The following SUSD4 variants were observed in gnomAD, a reference collection of about 807,000 sequenced individuals.
SUSD4 encodes sushi domain containing 4.
Under a neutral mutation model 50.5 loss-of-function variants are expected in SUSD4, and 41 were observed. The observed-to-expected ratio is 0.81, with a 90% confidence interval of 0.63 to 1.05. SUSD4 has a LOEUF of 1.05. Among genes scored for constraint, SUSD4 ranks in the 50% least tolerant of loss-of-function variants. The probability of loss-of-function intolerance (pLI) is 0.00; values close to 1 mark genes in which losing one functional copy is unlikely to be tolerated. For synonymous variants in SUSD4, 257 were observed against 257.3 expected (o/e 1.00, Z 0.01); for missense variants, 580 against 634.7 (o/e 0.91, Z 0.93).
chr1:223,307,485 A>C (rs890442566), intron 2 of SUSD4, among the ~76,000 whole-genome samples: 4 of 152,192 alleles, frequency 2.6e-5, no homozygotes, highest in African/African-American at 9.7e-5. Context: ...AACAACTTTC[A>C]AACACTCTTT....
At chr1:223,310,430 T>G (rs1005900680) in intron 2 of SUSD4, among the ~76,000 whole-genome samples, 1 of 152,288 alleles carries the variant, frequency 6.6e-6, no homozygotes, top group East Asian at 1.9e-4. Flanking sequence ...TCAGAAACCA[T>G]TGAAACTATG....
intron 6 of SUSD4, among the ~76,000 whole-genome samples, chr1:223,228,888 T>C (rs1353703555): frequency 6.6e-6 from 1 of 151,496 alleles, no homozygotes; most frequent in Non-Finnish European, 1.5e-5. Context: ...GTTTAGATGG[T>C]CAGCTTTTTA....
At position 223,264,720 on chromosome 1, in the gene SUSD4, G is replaced by T. The variant is rs768128581; in HGVS notation, c.634C>A (p.Pro212Thr). 1 of 1,614,222 alleles carries T rather than the reference G, an allele frequency of 6.2e-7. No individual in the cohort carries two copies. Among genetic ancestry groups the T allele is most frequent in the East Asian group, 2.2e-5 (1 of 44,880 alleles). The change falls in exon 5 of 9, where the codon CCC (proline) becomes ACC (threonine). Residue 212 changes from proline to threonine, a missense_variant. Pro to Thr is a conservative substitution (Grantham distance 38). Coordinates refer to ENST00000366878, the MANE Select transcript of SUSD4 (RefSeq NM_017982.4). Reference sequence around the variant, plus strand: ...GCAGACCCATCAAGTTTAAATCCGGGAAAGCAGCGATAGGAGATCACAGTC... The same window carrying T: ...GCAGACCCATCAAGTTTAAATCCGGTAAAGCAGCGATAGGAGATCACAGTC... The part of the protein sequence containing the change: ...VGTVISYRCF[P>T]GFKLDGSAYL...
At chr1:223,338,667 G>C (rs1050769223) in intron 2 of SUSD4, among the ~76,000 whole-genome samples, 3 of 152,232 alleles carry the variant, frequency 2.0e-5, no homozygotes, top group African/African-American at 4.8e-5. Flanking sequence ...ATGGGGAGAA[G>C]GGGTGATGCA....
At chr1:223,356,834 G>A (rs561049337) in intron 2 of SUSD4, among the ~76,000 whole-genome samples, 6 of 152,292 alleles carry the variant, frequency 3.9e-5, no homozygotes, top group South Asian at 2.1e-4. Flanking sequence ...AAAAGAGAGA[G>A]AGAAATACTC....
chr1:223,278,074 A>T (rs1663407071), intron 3 of SUSD4, among the ~76,000 whole-genome samples: 1 of 152,100 alleles, frequency 6.6e-6, no homozygotes, highest in Non-Finnish European at 1.5e-5. Context: ...ATACTTTAAG[A>T]ACCAGTCCCG....
At chr1:223,249,462 T>C (rs559088764) in intron 5 of SUSD4, among the ~76,000 whole-genome samples, 3 of 152,336 alleles carry the variant, frequency 2.0e-5, no homozygotes, top group Admixed American at 2.0e-4. Flanking sequence ...GAGCCTCCAG[T>C]CTTCCTCCCA....
intron 5 of SUSD4, chr1:223,264,355 A>C (rs1359625288): frequency 8.7e-7 from 1 of 1,151,372 alleles, no homozygotes; most frequent in African/African-American, 1.6e-5. Flanking sequence ...CATTTCATTT[A>C]ACTTTGCAAT....
At chr1:223,315,460 A>G (rs1666127139) in intron 2 of SUSD4, among the ~76,000 whole-genome samples, 3 of 152,198 alleles carry the variant, frequency 2.0e-5, no homozygotes, top group Non-Finnish European at 2.9e-5. Context: ...AATGGCTCCA[A>G]CTGGACCCGC....
intron 2 of SUSD4, among the ~76,000 whole-genome samples, chr1:223,350,350 T>C (rs1171330934): frequency 6.6e-6 from 1 of 151,790 alleles, no homozygotes; most frequent in Non-Finnish European, 1.5e-5. Flanking sequence ...AATGTAAGAG[T>C]GGATGAAGAT....
At chr1:223,296,417 A>C (rs1247467973) in intron 2 of SUSD4, among the ~76,000 whole-genome samples, 3 of 152,126 alleles carry the variant, frequency 2.0e-5, no homozygotes, top group African/African-American at 7.2e-5. Flanking sequence ...GAGTGTGGTG[A>C]ATCTGAATTC....
intron 2 of SUSD4, among the ~76,000 whole-genome samples, chr1:223,316,098 A>T (rs140344887): frequency 9.2e-4 from 140 of 152,292 alleles, no homozygotes; most frequent in African/African-American, 2.8e-3. Flanking sequence ...AAGGGCACCA[A>T]GGTGATCAAG....
At chr1:223,232,728 C>T (rs918770651) in intron 5 of SUSD4, among the ~76,000 whole-genome samples, 1 of 152,192 alleles carries the variant, frequency 6.6e-6, no homozygotes, top group Non-Finnish European at 1.5e-5. Context: ...CAAAGGCAGG[C>T]AGCACGGAGT....
chr1:223,227,656 C>G lies in SUSD4; in HGVS notation c.999G>C (p.Val333=). ...VAFTATSVLL[V]LLLVILARMF... is the part of the protein sequence containing the mutation. The stretch of plus-strand genomic sequence containing the variant: ...TCCTGGCCAGGATGACGAGCAGCAG[C>G]ACCAGCAGCACACTGGTTGCCGTGA... Residue 333 remains valine (V), a synonymous_variant, in exon 7 of 9, where the codon GTG becomes GTC. Coordinates refer to ENST00000366878, the MANE Select transcript of SUSD4 (RefSeq NM_017982.4). This position sits in a 1 kb window ranked among gnomAD's most constrained non-coding sequence, Gnocchi z 4.5. 6.2e-7 allele frequency: 1 copy of G among 1,613,912 alleles called. No individual in the cohort carries two copies. The highest frequency in any genetic ancestry group is 1.3e-5 in the African/African-American group (1 of 75,012).
intron 3 of SUSD4, among the ~76,000 whole-genome samples, chr1:223,274,804 G>C (rs1156833829): frequency 1.3e-5 from 2 of 152,058 alleles, no homozygotes; most frequent in East Asian, 3.9e-4. Flanking sequence ...TACAAAAAAT[G>C]ACCATACCTG....
intron 2 of SUSD4, among the ~76,000 whole-genome samples, chr1:223,309,117 C>T (rs1572029557): frequency 6.6e-6 from 1 of 152,092 alleles, no homozygotes; most frequent in East Asian, 1.9e-4. Flanking sequence ...CATCTCTTAA[C>T]AGGGTAAGAC....
chr1:223,280,859 T>C (rs1033200824), intron 3 of SUSD4, among the ~76,000 whole-genome samples: 7 of 152,088 alleles, frequency 4.6e-5, no homozygotes, highest in Non-Finnish European at 1.0e-4. Flanking sequence ...TCAGCAAATG[T>C]AAAAGAATAG....
chr1:223,303,532 C>T (rs1255724416), intron 2 of SUSD4, among the ~76,000 whole-genome samples: 2 of 151,750 alleles, frequency 1.3e-5, no homozygotes, highest in South Asian at 2.1e-4. Flanking sequence ...CAAATTGTGA[C>T]CTTATAGTAG....
At chr1:223,358,975 A>G (rs944890086) in intron 2 of SUSD4, 4 of 441,118 alleles carry the variant, frequency 9.1e-6, no homozygotes, top group African/African-American at 8.1e-5. Context: ...GTCAGAAAGC[A>G]TCTGTTTCCA....
Sources: gnomAD v4.1 joint callset for allele counts (sites outside exome capture counted in the v4.1 genomes callset) on GRCh38, gnomAD v4.1.1 for gene constraint, Gnocchi (gnomAD v3.1) non-coding constraint, MANE v1.5 for transcripts, NCBI Gene and HGNC (gene_info 2026-07-23, HGNC 2026-07-21) for gene names.